Variants in DAB1 observed in about 807,000 individuals in gnomAD.
DAB1 encodes the protein disabled homolog 1.
A neutral mutation model predicts 64.6 loss-of-function variants in DAB1; 15 were observed. The ratio of observed to expected loss-of-function variants is 0.23; its 90% CI spans 0.16 to 0.36. The LOEUF is 0.36. Among genes scored for constraint, DAB1 ranks in the 10% least tolerant of loss-of-function variants. The probability of loss-of-function intolerance (pLI) is 1.00; values close to 1 mark genes in which losing one functional copy is unlikely to be tolerated. For synonymous variants in DAB1, 235 were observed against 251.9 expected (o/e 0.93, Z 0.64); for missense variants, 596 against 706.7 (o/e 0.84, Z 1.78).
chr1:57,994,316 T>TCACGTTTTA (rs1646393325), intron 5 of DAB1, among the ~76,000 whole-genome samples: 2 of 152,204 alleles, frequency 1.3e-5, no homozygotes, highest in African/African-American at 4.8e-5. Context: ...GGAAAGAATC[T>TCACGTTTTA]GAGATCAGAG....
chr1:58,536,862 T>G (rs927554423), intron 1 of DAB1: 10 of 629,802 alleles, frequency 1.6e-5, no homozygotes, highest in Non-Finnish European at 2.5e-5. Context: ...TGTATTTCGC[T>G]GAATACATCG....
At chr1:57,054,345 T>C (rs1034491950) in intron 9 of DAB1, among the ~76,000 whole-genome samples, 4 of 152,152 alleles carry the variant, frequency 2.6e-5, no homozygotes, top group Admixed American at 2.6e-4. Context: ...AATGCAATGC[T>C]CTGCTTGCAT....
chr1:57,957,818 C>G (rs1441406176), intron 5 of DAB1, among the ~76,000 whole-genome samples: 1 of 152,044 alleles, frequency 6.6e-6, no homozygotes, highest in African/African-American at 2.4e-5. Flanking sequence ...AGAATTAGCA[C>G]CTTGGAGTTT....
At chr1:57,897,628 C>T (rs1644410841) in intron 5 of DAB1, among the ~76,000 whole-genome samples, 2 of 152,064 alleles carry the variant, frequency 1.3e-5, no homozygotes, top group South Asian at 2.1e-4. Flanking sequence ...ACTCTCATCC[C>T]CCAGGGCCAA....
At chr1:57,942,412 TCA>T (rs1271014740) in intron 5 of DAB1, among the ~76,000 whole-genome samples, 1 of 152,232 alleles carries the variant, frequency 6.6e-6, no homozygotes, top group Non-Finnish European at 1.5e-5. Context: ...ATGATAGCAC[TCA>T]GTCTTTGGGT....
intron 4 of DAB1, among the ~76,000 whole-genome samples, chr1:58,164,548 T>C (rs1481790352): frequency 6.6e-6 from 1 of 152,202 alleles, no homozygotes; most frequent in East Asian, 1.9e-4. Context: ...TAGCTTATAA[T>C]AGCATCCTTT....
At position 57,938,240 on chromosome 1, in the gene DAB1, C is replaced by CA. The variant is rs202230461; in HGVS notation, n.388-54079dup. Reference sequence around the variant, plus strand: ...ACAATAGGGATACTGGCACTTGGATCAATGCTCAGTACAGGGTTTTAAAAG... The same window carrying CA: ...ACAATAGGGATACTGGCACTTGGATCAAATGCTCAGTACAGGGTTTTAAAAG... On this transcript the variant is annotated intron_variant and non_coding_transcript_variant, in intron 5 of 20. Transcript: ENST00000485760. Among the ~76,000 whole-genome samples the CA allele has an allele frequency of 1.4e-3, 210 of 152,320 alleles. 3 individuals carry two copies. In the East Asian group the frequency reaches 0.031, roughly 22 times the overall value.
chr1:58,118,443 T>A (rs2797612), intron 5 of DAB1, among the ~76,000 whole-genome samples: 97,982 of 97,982 alleles, frequency 1, 48,991 homozygotes, highest in Non-Finnish European at 1. Context: ...GGAGATAACT[T>A]CATGATGCCA....
chr1:57,316,392 C>T (rs1675209941), intron 1 of DAB1, among the ~76,000 whole-genome samples: 1 of 152,134 alleles, frequency 6.6e-6, no homozygotes, highest in African/African-American at 2.4e-5. Flanking sequence ...ACTTGACAGT[C>T]AGGAGCCATC....
intron 3 of DAB1, among the ~76,000 whole-genome samples, chr1:58,383,193 T>C (rs1644404813): frequency 6.6e-6 from 1 of 151,872 alleles, no homozygotes; most frequent in Admixed American, 6.6e-5. Flanking sequence ...TATGCCCTTT[T>C]TATATAGATA....
chr1:57,636,119 A>AAC (rs1646053510), intron 7 of DAB1, among the ~76,000 whole-genome samples: 1 of 149,286 alleles, frequency 6.7e-6, no homozygotes, highest in African/African-American at 2.5e-5. Context: ...AAAAACAAAA[A>AAC]CAAAAAACTG....
intron 5 of DAB1, among the ~76,000 whole-genome samples, chr1:58,132,180 G>A (rs927439409): frequency 2.0e-5 from 3 of 152,136 alleles, no homozygotes; most frequent in Non-Finnish European, 4.4e-5. Context: ...TTTTAAGCCC[G>A]TCGGAAAAGC....
intron 3 of DAB1, among the ~76,000 whole-genome samples, chr1:58,385,586 C>T (rs338943): frequency 0.077 from 11,734 of 152,260 alleles, 601 homozygotes; most frequent in Non-Finnish European, 0.12. Context: ...CAGGTGGTAA[C>T]ACTAATAAAT....
chr1:57,365,338 T>C (rs10889040), intron 1 of DAB1, among the ~76,000 whole-genome samples: 75,121 of 140,434 alleles, frequency 0.53, 21,003 homozygotes, highest in African/African-American at 0.62. Context: ...ATAAAGAATA[T>C]ATATAAATAT....
chr1:57,735,065 GATTTC>G (rs1297638579), intron 6 of DAB1, among the ~76,000 whole-genome samples: 2 of 152,096 alleles, frequency 1.3e-5, no homozygotes, highest in Non-Finnish European at 2.9e-5. Context: ...TTCATTTAGG[GATTTC>G]ATGGTTTTGA....
At position 57,311,337 on chromosome 1, in the gene DAB1, C is replaced by T. The variant is rs75590302; in HGVS notation, c.-136-20171G>A. Among the ~76,000 whole-genome samples the T allele has an allele frequency of 7.2e-4, 110 of 152,166 alleles. 1 individual carries two copies. The East Asian group carries it at 0.02, about 28-fold the overall frequency. On this transcript the variant is annotated intron_variant, in intron 1 of 14. Coordinates refer to ENST00000371236, the MANE Select transcript of DAB1 (RefSeq NM_001365792.1). Reference sequence around the variant, plus strand: ...ATTTGTCCTGTTTCTCTAGGTGTCTCCACAGACTTGATAAGTTTGGATTCC... The same window carrying T: ...ATTTGTCCTGTTTCTCTAGGTGTCTTCACAGACTTGATAAGTTTGGATTCC...
At chr1:57,286,420 T>A (rs1444450258) in intron 2 of DAB1, among the ~76,000 whole-genome samples, 1 of 152,150 alleles carries the variant, frequency 6.6e-6, no homozygotes, top group Non-Finnish European at 1.5e-5. Context: ...CACACTAATG[T>A]CAAATAACAA....
At chr1:58,280,442 C>T (rs1201757752) in intron 4 of DAB1, among the ~76,000 whole-genome samples, 1 of 152,226 alleles carries the variant, frequency 6.6e-6, no homozygotes, top group Non-Finnish European at 1.5e-5. Flanking sequence ...TTTTATTCCA[C>T]TTCTCTTGAG....
intron 1 of DAB1, among the ~76,000 whole-genome samples, chr1:57,328,589 C>G (rs1459941588): frequency 6.6e-6 from 1 of 152,154 alleles, no homozygotes; most frequent in Non-Finnish European, 1.5e-5. Flanking sequence ...TTACTTCAAA[C>G]ATTCTAAAAC....
Sources: gnomAD v4.1 joint callset for allele counts (sites outside exome capture counted in the v4.1 genomes callset) on GRCh38, gnomAD v4.1.1 for gene constraint, MANE v1.5 for transcripts, NCBI Gene and HGNC (gene_info 2026-07-23, HGNC 2026-07-21) for gene names.